PTPRD: variants seen among roughly 807,000 people sequenced by gnomAD.
PTPRD encodes receptor-type tyrosine-protein phosphatase delta.
In PTPRD, 34 loss-of-function variants were observed where a neutral mutation model predicts 214.5. The ratio of observed to expected loss-of-function variants is 0.16; its 90% CI spans 0.12 to 0.21. The LOEUF is 0.21. Among genes scored for constraint, PTPRD ranks in the 10% least tolerant of loss-of-function variants. The pLI, the probability that PTPRD is intolerant of heterozygous loss-of-function variation, is 1.00. For synonymous variants in PTPRD, 1,128 were observed against 845.7 expected (o/e 1.33, Z -5.79); for missense variants, 2,545 against 2,398.7 (o/e 1.06, Z -1.27).
intron 32 of PTPRD, among the ~76,000 whole-genome samples, chr9:8,462,119 T>C (rs1456803503): frequency 6.6e-6 from 1 of 152,060 alleles, no homozygotes; most frequent in Non-Finnish European, 1.5e-5. Flanking sequence ...TCCAATCATT[T>C]CTAGAGACCC....
chr9:10,321,855 T>A (rs531851251), intron 3 of PTPRD, among the ~76,000 whole-genome samples: 1 of 152,004 alleles, frequency 6.6e-6, no homozygotes, highest in South Asian at 2.1e-4. Context: ...AATGTTTCAG[T>A]TTTTTTCGGA....
chr9:9,705,213 G>T (rs777924249), intron 7 of PTPRD, among the ~76,000 whole-genome samples: 17 of 152,082 alleles, frequency 1.1e-4, no homozygotes, highest in Non-Finnish European at 1.6e-4. Context: ...TTTCATAATG[G>T]TTCCCTTATT....
At chr9:10,090,682 A>T (rs1418068437) in intron 3 of PTPRD, among the ~76,000 whole-genome samples, 1 of 148,178 alleles carries the variant, frequency 6.7e-6, no homozygotes, top group Non-Finnish European at 1.5e-5. Flanking sequence ...GATTTTTTTT[A>T]ATGTAGAAAG....
intron 14 of PTPRD, among the ~76,000 whole-genome samples, chr9:8,543,361 C>G (rs991756756): frequency 1.1e-4 from 16 of 152,162 alleles, no homozygotes; most frequent in African/African-American, 3.4e-4. Flanking sequence ...CATAATCCAC[C>G]AATCCCCCAA....
intron 2 of PTPRD, among the ~76,000 whole-genome samples, chr9:10,379,045 T>G (rs1472768660): frequency 6.6e-6 from 1 of 152,068 alleles, no homozygotes; most frequent in African/African-American, 2.4e-5. Flanking sequence ...TTTGGTTAAG[T>G]TAATTCCAAA....
chr9:9,767,030 A>C (rs1186407854), intron 5 of PTPRD, among the ~76,000 whole-genome samples, 179 bp from the exon 6 acceptor site: 7 of 151,918 alleles, frequency 4.6e-5, no homozygotes, highest in African/African-American at 1.7e-4. Flanking sequence ...AAAGCACATT[A>C]AGACAAAAAA....
intron 2 of PTPRD, among the ~76,000 whole-genome samples, chr9:10,451,273 C>A (rs565894858): frequency 1.8e-4 from 28 of 151,872 alleles, no homozygotes; most frequent in Non-Finnish European, 4.0e-4. Context: ...ATTATTGTTA[C>A]AATTTATGAA....
intron 9 of PTPRD, among the ~76,000 whole-genome samples, chr9:9,366,162 C>A (rs2057830479): frequency 1.3e-5 from 2 of 151,420 alleles, no homozygotes; most frequent in South Asian, 4.2e-4. Context: ...TAATTACCAA[C>A]TGACCAATTT....
At chr9:10,381,615 C>T (rs2097826847) in intron 2 of PTPRD, among the ~76,000 whole-genome samples, 1 of 151,982 alleles carries the variant, frequency 6.6e-6, no homozygotes, top group Non-Finnish European at 1.5e-5. Flanking sequence ...GCTACAAAAG[C>T]ACACATTAGC....
intron 7 of PTPRD, among the ~76,000 whole-genome samples, chr9:9,611,006 C>A (rs2094483502): frequency 6.6e-6 from 1 of 152,154 alleles, no homozygotes; most frequent in Non-Finnish European, 1.5e-5. Context: ...TATGTAATTT[C>A]AAAATTAGTC....
chr9:10,490,855 G>A lies in PTPRD; in HGVS notation c.-600+121543C>T, dbSNP rs191286921. Among the ~76,000 whole-genome samples, 4 of 151,980 alleles carry A rather than the reference G, an allele frequency of 2.6e-5. No individual in the cohort carries two copies. In the South Asian group the frequency reaches 6.2e-4, roughly 24 times the overall value. ...TAGCATATTTTGCTTTTTGCTTTGC[G>A]CCTTTTAAAAAGTTATTAACAACTT... On this transcript the variant is annotated intron_variant, in intron 2 of 45. Coordinates refer to ENST00000381196, the MANE Select transcript of PTPRD (RefSeq NM_002839.4).
At chr9:8,931,442 C>T (rs1005147405) in intron 11 of PTPRD, among the ~76,000 whole-genome samples, 18 of 152,152 alleles carry the variant, frequency 1.2e-4, no homozygotes, top group South Asian at 4.2e-4. Flanking sequence ...CTTGGTAATG[C>T]GGGCTCTTTT....
chr9:8,449,906 T>C (rs762322099), intron 33 of PTPRD, 69 bp from the exon 34 acceptor site: 5 of 1,462,536 alleles, frequency 3.4e-6, no homozygotes, highest in Non-Finnish European at 4.8e-6. Flanking sequence ...AAGCAGAGAA[T>C]TGCACCTGCA....
At chr9:9,498,035 G>A (rs758006989) in intron 8 of PTPRD, among the ~76,000 whole-genome samples, 18 of 152,066 alleles carry the variant, frequency 1.2e-4, no homozygotes, top group Middle Eastern at 3.2e-3. Context: ...TCCCAGTTTT[G>A]CACATTCAAA....
intron 5 of PTPRD, among the ~76,000 whole-genome samples, chr9:9,775,944 G>A (rs2098794999): frequency 1.0e-5 from 1 of 97,722 alleles, no homozygotes; most frequent in Non-Finnish European, 1.8e-5. Flanking sequence ...AACAGAGCAA[G>A]ACTCTGTCTC....
chr9:9,191,868 A>C (rs1448804534), intron 9 of PTPRD, among the ~76,000 whole-genome samples: 1 of 152,072 alleles, frequency 6.6e-6, no homozygotes, highest in Non-Finnish European at 1.5e-5. Context: ...GGATACTGGA[A>C]TGTTGGGGGT....
chr9:10,068,787 A>G (rs1429264406), intron 3 of PTPRD, among the ~76,000 whole-genome samples: 1 of 151,974 alleles, frequency 6.6e-6, no homozygotes, highest in Non-Finnish European at 1.5e-5. Context: ...GCCAAGAAGA[A>G]TGAGCACAGA....
In PTPRD at chr9:9,712,714, G is replaced by T. The variant is rs932563495; in HGVS notation, c.-287+21819C>A. On this transcript the variant is annotated intron_variant, in intron 7 of 45. Transcript: ENST00000381196. ...CAAAAGTTCTCTTAGTTTATCCATT[G>T]GTCTCAGAATAATGCAGATTTTCTT... 2.0e-5 allele frequency among the ~76,000 whole-genome samples: 3 copies of T among 152,088 alleles called. No homozygotes were observed. In the East Asian group the frequency reaches 5.8e-4, roughly 29 times the overall value.
chr9:10,602,477 T>C (rs778443832), intron 2 of PTPRD, among the ~76,000 whole-genome samples: 6 of 151,790 alleles, frequency 4.0e-5, no homozygotes, highest in Non-Finnish European at 8.8e-5. Context: ...CCAGGTAATC[T>C]GAAGATTAAA....
Sources: allele counts gnomAD v4.1 joint callset (sites outside exome capture counted in the v4.1 genomes callset), GRCh38; gene constraint gnomAD v4.1.1; transcripts MANE v1.5; gene names NCBI Gene and HGNC (gene_info 2026-07-23, HGNC 2026-07-21).